The following TTC6 variants were observed in gnomAD, a reference collection of about 807,000 sequenced individuals.
TTC6 encodes the protein tetratricopeptide repeat domain 6.
Under a neutral mutation model 210.4 loss-of-function variants are expected in TTC6, and 172 were observed. That is an observed-to-expected ratio of 0.82 (90% confidence interval 0.72 to 0.93). The LOEUF is 0.93. TTC6 is among the 40% of genes least tolerant of loss of function. The pLI is 0.00. For synonymous variants in TTC6, 804 were observed against 819.6 expected (o/e 0.98, Z 0.32); for missense variants, 2,414 against 2,318.1 (o/e 1.04, Z -0.85).
chr14:37,708,947 C>T (rs1036994089), intron 5 of TTC6, among the ~76,000 whole-genome samples: 1 of 152,044 alleles, frequency 6.6e-6, no homozygotes, highest in Non-Finnish European at 1.5e-5. Flanking sequence ...GGTTGCCCCC[C>T]ACCCAAATGT....
chr14:37,626,562 A>G (rs954553437), intron 1 of TTC6, among the ~76,000 whole-genome samples: 1 of 152,216 alleles, frequency 6.6e-6, no homozygotes, highest in South Asian at 2.1e-4. Context: ...TGAACATTAT[A>G]TATAAAACAA....
rs1411457934 is a variant in TTC6 at position 37,639,025 on chromosome 14, TG to T, written c.939+16023del. 2.6e-5 allele frequency among the ~76,000 whole-genome samples: 4 copies of T among 152,324 alleles called. No individual in the cohort carries two copies. In the East Asian group the frequency reaches 7.7e-4, roughly 29 times the overall value. ...ACATACGTACAAATACGTTTTTCTT[TG>T]TAAAAATAAGAACATACTATACATA... On this transcript the variant is annotated intron_variant, in intron 1 of 30. Coordinates refer to ENST00000553443, the Ensembl canonical transcript of TTC6.
intron 29 of TTC6, among the ~76,000 whole-genome samples, chr14:37,835,228 G>A (rs1364595577): frequency 6.6e-6 from 1 of 152,184 alleles, no homozygotes; most frequent in Non-Finnish European, 1.5e-5. Context: ...ATGGCAGGGT[G>A]AGTGTGGTGT....
exon 5 of TTC6, chr14:37,701,398 G>T (rs1372059388): frequency 1.3e-6 from 2 of 1,532,290 alleles, no homozygotes; most frequent in Non-Finnish European, 8.7e-7. Context: ...CCCAGGAGCT[G>T]CCTGTTGACT....
chr14:37,704,720 A>G (rs945275167), intron 5 of TTC6, among the ~76,000 whole-genome samples: 2 of 151,850 alleles, frequency 1.3e-5, no homozygotes, highest in African/African-American at 4.8e-5. Flanking sequence ...AAATTTTTTA[A>G]TGTAGCAATT....
At chr14:37,623,201 T>C (rs562901742) in intron 1 of TTC6, among the ~76,000 whole-genome samples, 198 bp downstream of exon 3, 8 of 152,216 alleles carry the variant, frequency 5.3e-5, no homozygotes, top group Non-Finnish European at 1.2e-4. Flanking sequence ...TTCTGTCTTA[T>C]CCTCTTTTCA....
At chr14:37,811,969 A>G (rs1417443469) in intron 24 of TTC6, among the ~76,000 whole-genome samples, 3 of 152,198 alleles carry the variant, frequency 2.0e-5, no homozygotes, top group Non-Finnish European at 2.9e-5. Context: ...TACATTTTTA[A>G]TGGTAATCAC....
chr14:37,777,923 T>G (rs567912607), intron 14 of TTC6, among the ~76,000 whole-genome samples: 1 of 152,238 alleles, frequency 6.6e-6, no homozygotes, highest in South Asian at 2.1e-4. Context: ...ATGTTCTAAC[T>G]CTGGGGGAGT....
Position 37,783,421 on chromosome 14 carries a change from G to A in TTC6, c.3267-4047G>A, listed in dbSNP as rs562436995. ...AGATTTTCTAGTTTATTTGCATAGA[G>A]ATGTTTATAGTATTCTCTGATGGTA... On this transcript the variant is annotated intron_variant, in intron 14 of 30. Coordinates refer to ENST00000553443, the Ensembl canonical transcript of TTC6. Among the ~76,000 whole-genome samples the A allele has an allele frequency of 2.0e-5, 3 of 152,152 alleles. 1 individual carries two copies. The South Asian group carries it at 6.3e-4, about 32-fold the overall frequency.
At chr14:37,607,488 G>T (rs746739871) in intron 2 of TTC6, among the ~76,000 whole-genome samples, 7 of 152,038 alleles carry the variant, frequency 4.6e-5, no homozygotes, top group Non-Finnish European at 7.4e-5. Context: ...CTAAATTGAA[G>T]ACAAGATTCT....
At chr14:37,630,819 CT>C (rs1371320150) in intron 1 of TTC6, among the ~76,000 whole-genome samples, 2 of 150,662 alleles carry the variant, frequency 1.3e-5, no homozygotes, top group African/African-American at 4.9e-5. Flanking sequence ...GCATTGATCC[CT>C]TTACCATTAT....
intron 1 of TTC6, among the ~76,000 whole-genome samples, chr14:37,679,017 T>C (rs1211919119): frequency 6.6e-6 from 1 of 151,906 alleles, no homozygotes; most frequent in Admixed American, 6.6e-5. Flanking sequence ...GGCCACAAGC[T>C]CAAGATCAGC....
chr14:37,743,210 G>T (rs1382796506), intron 10 of TTC6, among the ~76,000 whole-genome samples: 2 of 152,158 alleles, frequency 1.3e-5, no homozygotes, highest in Non-Finnish European at 2.9e-5. Flanking sequence ...ATTTAAACTT[G>T]CAGTACAGGA....
intron 7 of TTC6, 29 bp downstream of exon 9, chr14:37,725,031 A>T: frequency 8.3e-7 from 1 of 1,204,360 alleles, no homozygotes; most frequent in South Asian, 1.6e-5. Flanking sequence ...TTTCTCTATT[A>T]TTGTTGTTGT....
intron 1 of TTC6, among the ~76,000 whole-genome samples, chr14:37,678,043 T>C (rs7142355): frequency 2.0e-5 from 3 of 152,166 alleles, no homozygotes; most frequent in African/African-American, 7.2e-5. Context: ...ATGTATCATA[T>C]ATTTGTGCTT....
At chr14:37,646,610 A>T (rs1216722304) in intron 1 of TTC6, among the ~76,000 whole-genome samples, 2 of 152,198 alleles carry the variant, frequency 1.3e-5, no homozygotes, top group Non-Finnish European at 2.9e-5. Context: ...TAAAATATTA[A>T]AACATTATAT....
chr14:37,620,598 T>G (rs1448164147), upstream of TTC6, among the ~76,000 whole-genome samples: 4 of 152,210 alleles, frequency 2.6e-5, no homozygotes, highest in Admixed American at 2.6e-4. Flanking sequence ...TGTAATGATC[T>G]TTCAAGATCT....
intron 3 of TTC6, among the ~76,000 whole-genome samples, chr14:37,685,784 T>G (rs2095792551): frequency 6.6e-6 from 1 of 152,138 alleles, no homozygotes; most frequent in African/African-American, 2.4e-5. Flanking sequence ...GCAGCAGCTT[T>G]GGGGAGCTGC....
At chr14:37,725,352 A>C (rs1234786939) in intron 7 of TTC6, among the ~76,000 whole-genome samples, 1 of 125,540 alleles carries the variant, frequency 8.0e-6, no homozygotes, top group Non-Finnish European at 1.7e-5. Context: ...ATATATATAT[A>C]TATATAATTT....
Sources: allele counts gnomAD v4.1 joint callset (sites outside exome capture counted in the v4.1 genomes callset), GRCh38; gene constraint gnomAD v4.1.1; transcripts MANE v1.5; gene names NCBI Gene and HGNC (gene_info 2026-07-23, HGNC 2026-07-21).